Variants in RPS6KC1 observed in about 807,000 individuals in gnomAD.
The protein encoded by RPS6KC1 is ribosomal protein S6 kinase C1.
Under a neutral mutation model 103.8 loss-of-function variants are expected in RPS6KC1, and 54 were observed. The ratio of observed to expected loss-of-function variants is 0.52; its 90% CI spans 0.42 to 0.65. The LOEUF (loss-of-function observed/expected upper bound fraction) is 0.65. RPS6KC1 is among the 30% of genes least tolerant of loss of function. The pLI is 0.00. For synonymous variants in RPS6KC1, 439 were observed against 438.7 expected (o/e 1.00, Z -0.01); for missense variants, 1,151 against 1,253.8 (o/e 0.92, Z 1.24).
the RPS6KC1 span, among the ~76,000 whole-genome samples, chr1:213,670,220 A>G: frequency 1.3e-5 from 2 of 152,142 alleles, no homozygotes; most frequent in Admixed American, 6.5e-5. Flanking sequence ...ATTTCAACTC[A>G]TCTGCCCTTA....
At chr1:213,560,657 C>G in the RPS6KC1 span, among the ~76,000 whole-genome samples, 1 of 152,294 alleles carries the variant, frequency 6.6e-6, no homozygotes, top group Admixed American at 6.5e-5. Flanking sequence ...TTGTGACCGA[C>G]AGAACTATGA....
the RPS6KC1 span, among the ~76,000 whole-genome samples, chr1:213,393,644 T>G: frequency 5.3e-5 from 8 of 152,228 alleles, no homozygotes; most frequent in Non-Finnish European, 8.8e-5. Flanking sequence ...ATTTGGTCCT[T>G]GAAATGACTA....
chr1:213,499,987 A>G, the RPS6KC1 span, among the ~76,000 whole-genome samples: 1 of 152,240 alleles, frequency 6.6e-6, no homozygotes, highest in African/African-American at 2.4e-5. Context: ...GTGAATGTGA[A>G]GGCCTAGGAC....
the RPS6KC1 span, among the ~76,000 whole-genome samples, chr1:213,412,535 C>G: frequency 2.1e-4 from 32 of 152,346 alleles, no homozygotes; most frequent in Admixed American, 2.0e-3. Context: ...TTGTAGCGGT[C>G]CCTGCTTTCC....
chr1:213,305,320 T>C, the RPS6KC1 span, among the ~76,000 whole-genome samples: 1 of 152,106 alleles, frequency 6.6e-6, no homozygotes, highest in Admixed American at 6.5e-5. Flanking sequence ...TGACGTCAGG[T>C]GATCCACTTG....
chr1:213,833,384 A>G, the RPS6KC1 span, among the ~76,000 whole-genome samples: 1 of 152,194 alleles, frequency 6.6e-6, no homozygotes, highest in Non-Finnish European at 1.5e-5. Context: ...CTCTCCTAGG[A>G]AAGCAAAAAT....
At chr1:213,075,531 C>G (rs2079256676) in intron 2 of RPS6KC1, among the ~76,000 whole-genome samples, 3 of 152,128 alleles carry the variant, frequency 2.0e-5, no homozygotes, top group African/African-American at 7.2e-5. Context: ...AACCCTAAAC[C>G]TATCTCACTG....
intron 6 of RPS6KC1, among the ~76,000 whole-genome samples, chr1:213,155,690 C>T (rs1320086282): frequency 6.6e-6 from 1 of 152,044 alleles, no homozygotes; most frequent in Admixed American, 6.5e-5. Flanking sequence ...TTTCAGTGCC[C>T]CTTTCAGTAA....
At chr1:213,608,206 G>A in the RPS6KC1 span, among the ~76,000 whole-genome samples, 1 of 152,220 alleles carries the variant, frequency 6.6e-6, no homozygotes, top group Admixed American at 6.5e-5. Flanking sequence ...AGCCTGGGAA[G>A]GGAGGTGGGG....
chr1:213,799,239 C>G, the RPS6KC1 span, among the ~76,000 whole-genome samples: 30 of 152,176 alleles, frequency 2.0e-4, 1 homozygote, highest in Admixed American at 2.0e-3. Context: ...TAGCAGAGCC[C>G]TGATGTGATG....
the RPS6KC1 span, among the ~76,000 whole-genome samples, chr1:213,674,238 T>G: frequency 1.3e-5 from 2 of 152,160 alleles, no homozygotes; most frequent in Admixed American, 1.3e-4. Flanking sequence ...AGACTGGTCT[T>G]GAACTCCTAA....
the RPS6KC1 span, among the ~76,000 whole-genome samples, chr1:213,467,099 T>C: frequency 2.6e-5 from 4 of 152,114 alleles, no homozygotes; most frequent in Non-Finnish European, 4.4e-5. Flanking sequence ...GGCAGCAGAA[T>C]TGACTGCCTC....
chr1:213,419,725 C>T, the RPS6KC1 span, among the ~76,000 whole-genome samples: 1 of 152,168 alleles, frequency 6.6e-6, no homozygotes, highest in Non-Finnish European at 1.5e-5. Context: ...AGGAAGAGAG[C>T]TAGAATTTTT....
chr1:213,649,055 G>A, the RPS6KC1 span, among the ~76,000 whole-genome samples: 588 of 151,970 alleles, frequency 3.9e-3, 3 homozygotes, highest in African/African-American at 0.013. Flanking sequence ...CCTCACCTCC[G>A]CAGAACTCCA....
At chr1:213,745,925 T>C in the RPS6KC1 span, among the ~76,000 whole-genome samples, 1 of 152,168 alleles carries the variant, frequency 6.6e-6, no homozygotes, top group Admixed American at 6.5e-5. Flanking sequence ...CTGTGCTCAC[T>C]AGGTTCCTTG....
the RPS6KC1 span, among the ~76,000 whole-genome samples, chr1:213,420,681 C>T: frequency 6.6e-6 from 1 of 152,180 alleles, no homozygotes; most frequent in South Asian, 2.1e-4. Context: ...TCCTCAAAGC[C>T]TCACAGAAGG....
intron 8 of RPS6KC1, among the ~76,000 whole-genome samples, chr1:213,190,852 C>T (rs2092719383): frequency 6.6e-6 from 1 of 152,114 alleles, no homozygotes. Flanking sequence ...TTCAGTTTCA[C>T]TCTTTTGCAT....
the RPS6KC1 span, among the ~76,000 whole-genome samples, chr1:213,704,239 T>A: frequency 6.6e-6 from 1 of 150,856 alleles, no homozygotes; most frequent in South Asian, 2.1e-4. Context: ...TACAAAAAAT[T>A]AGCCGGGCGA....
intron 6 of RPS6KC1, among the ~76,000 whole-genome samples, chr1:213,161,429 T>C (rs2090464520): frequency 6.6e-6 from 1 of 152,114 alleles, no homozygotes; most frequent in Non-Finnish European, 1.5e-5. Flanking sequence ...CAAATGATTC[T>C]CCTGCCTCAA....
Sources: gnomAD v4.1 joint callset for allele counts (sites outside exome capture counted in the v4.1 genomes callset) on GRCh38, gnomAD v4.1.1 for gene constraint, MANE v1.5 for transcripts, NCBI Gene and HGNC (gene_info 2026-07-23, HGNC 2026-07-21) for gene names.